BABAM2: variants seen among roughly 807,000 people sequenced by gnomAD.
BABAM2 encodes BRISC and BRCA1-A complex member 2.
In BABAM2, 31 loss-of-function variants were observed where a neutral mutation model predicts 54.7. The observed-to-expected ratio is 0.57, with a 90% CI of 0.43 to 0.77. The LOEUF is 0.77. Among genes scored for constraint, BABAM2 ranks in the 30% least tolerant of loss-of-function variants. The probability of loss-of-function intolerance (pLI) is 0.00; values close to 1 mark genes in which losing one functional copy is unlikely to be tolerated. For synonymous variants in BABAM2, 167 were observed against 162.9 expected (o/e 1.03, Z -0.19); for missense variants, 364 against 455.8 (o/e 0.80, Z 1.83).
intron 7 of BABAM2, among the ~76,000 whole-genome samples, chr2:28,137,978 C>G (rs1386935111): frequency 2.0e-5 from 3 of 152,274 alleles, no homozygotes; most frequent in Middle Eastern, 3.4e-3. Flanking sequence ...CAAAACATCT[C>G]AAGGGTTTTG....
chr2:28,290,461 T>A (rs1316258413), intron 10 of BABAM2, among the ~76,000 whole-genome samples: 1 of 152,186 alleles, frequency 6.6e-6, no homozygotes. Flanking sequence ...TGACAACACT[T>A]GGGTATTTTC....
chr2:27,903,934 G>A (rs910210923), intron 2 of BABAM2, among the ~76,000 whole-genome samples: 82 of 152,208 alleles, frequency 5.4e-4, no homozygotes, highest in African/African-American at 2.0e-3. Context: ...TGTCGTTAGT[G>A]TATCTGAATT....
chr2:28,107,665 G>T (rs1036614936), intron 6 of BABAM2, among the ~76,000 whole-genome samples: 2 of 152,110 alleles, frequency 1.3e-5, no homozygotes, highest in African/African-American at 4.8e-5. Flanking sequence ...GCCCTCTCTT[G>T]CATCCTTCCT....
chr2:28,183,739 T>TCACACA lies in BABAM2; in HGVS notation c.681-53433_681-53428dup, dbSNP rs1286120518. 9.8e-3 allele frequency among the ~76,000 whole-genome samples: 1,301 copies of TCACACA among 133,148 alleles called. 19 individuals are homozygous for TCACACA. Among genetic ancestry groups the TCACACA allele is most frequent in the East Asian group, 0.025 (118 of 4,636 alleles). The allele number at this position is 133,148 out of a possible 152,430, so 87.4% of individuals were successfully genotyped here. A position where few individuals can be genotyped will look rare whatever the true frequency, so the allele number is the denominator to read the frequency against. The stretch of plus-strand genomic sequence containing the variant: ...ATTTTATGTTACTTTTGGATGAAGA[T>TCACACA]CACACACACACACACACACACACAC... On this transcript the variant is annotated intron_variant, in intron 7 of 11. Coordinates refer to ENST00000379624, the MANE Select transcript of BABAM2 (RefSeq NM_199191.3).
At chr2:27,989,461 T>C (rs1315509142) in intron 4 of BABAM2, among the ~76,000 whole-genome samples, 3 of 152,116 alleles carry the variant, frequency 2.0e-5, no homozygotes, top group Non-Finnish European at 4.4e-5. Context: ...CATAAGCACA[T>C]TGGAAGTAGC....
intron 3 of BABAM2, among the ~76,000 whole-genome samples, chr2:27,939,101 G>T (rs1043889307): frequency 6.6e-6 from 1 of 151,840 alleles, no homozygotes; most frequent in Admixed American, 6.6e-5. Flanking sequence ...TACAGGCACT[G>T]GCCACCATGC....
chr2:28,200,117 C>T (rs1312578656), intron 7 of BABAM2, among the ~76,000 whole-genome samples: 1 of 152,170 alleles, frequency 6.6e-6, no homozygotes, highest in African/African-American at 2.4e-5. Context: ...CTTTCCAAAA[C>T]AACCCTACCT....
At chr2:28,141,263 G>T (rs1440674231) in intron 7 of BABAM2, among the ~76,000 whole-genome samples, 1 of 151,952 alleles carries the variant, frequency 6.6e-6, no homozygotes, top group Non-Finnish European at 1.5e-5. Flanking sequence ...TTCAAATAAT[G>T]CTTGGTGTGT....
At chr2:28,143,400 G>T (rs995960717) in intron 7 of BABAM2, among the ~76,000 whole-genome samples, 1 of 152,060 alleles carries the variant, frequency 6.6e-6, no homozygotes, top group African/African-American at 2.4e-5. Context: ...TGCAGTTTGT[G>T]TAGGATGAAT....
intron 8 of BABAM2, among the ~76,000 whole-genome samples, chr2:28,238,399 A>G (rs192124248): frequency 1.4e-4 from 21 of 152,260 alleles, no homozygotes; most frequent in African/African-American, 4.3e-4. Context: ...CCAGAGTGCA[A>G]TTTCTTTGCT....
chr2:28,021,945 A>G (rs987724371), intron 4 of BABAM2, among the ~76,000 whole-genome samples: 2 of 152,274 alleles, frequency 1.3e-5, no homozygotes, highest in East Asian at 3.9e-4. Flanking sequence ...AATTTGTGGC[A>G]CTGTGGCCAA....
chr2:27,906,318 C>T (rs1225886220), intron 2 of BABAM2, among the ~76,000 whole-genome samples: 4 of 152,164 alleles, frequency 2.6e-5, no homozygotes, highest in Non-Finnish European at 4.4e-5. Context: ...AACACAGGTT[C>T]CTCTTACTCC....
At chr2:28,014,370 G>T (rs1674641025) in intron 4 of BABAM2, among the ~76,000 whole-genome samples, 1 of 152,196 alleles carries the variant, frequency 6.6e-6, no homozygotes, top group Non-Finnish European at 1.5e-5. Context: ...CTTCTGTTCA[G>T]ACTAATTCTG....
intron 3 of BABAM2, among the ~76,000 whole-genome samples, chr2:27,964,978 G>A (rs369116542): frequency 2.6e-5 from 4 of 152,136 alleles, no homozygotes; most frequent in African/African-American, 7.2e-5. Context: ...TTTGTTACAG[G>A]AGAAATTGAA....
intron 4 of BABAM2, among the ~76,000 whole-genome samples, chr2:28,011,128 CA>C (rs1308681922): frequency 6.6e-6 from 1 of 152,072 alleles, no homozygotes; most frequent in East Asian, 1.9e-4. Flanking sequence ...GTCTCCCCCA[CA>C]AAATTTGGTT....
At chr2:28,121,038 A>G (rs1270499339) in intron 6 of BABAM2, among the ~76,000 whole-genome samples, 1 of 152,206 alleles carries the variant, frequency 6.6e-6, no homozygotes, top group Non-Finnish European at 1.5e-5. Flanking sequence ...AATCAGAAGT[A>G]ACTACTAAAT....
At chr2:27,926,746 G>GA (rs1301014824) in intron 2 of BABAM2, among the ~76,000 whole-genome samples, 3 of 151,590 alleles carry the variant, frequency 2.0e-5, no homozygotes, top group East Asian at 1.9e-4. Flanking sequence ...TTATCTAAAT[G>GA]AAAAAAATCA....
Position 28,327,674 on chromosome 2 carries a change from A to T in BABAM2, c.1089-10776A>T, listed in dbSNP as rs145989060. 4.8e-3 allele frequency among the ~76,000 whole-genome samples: 729 copies of T among 152,334 alleles called. 4 individuals carry two copies. The highest frequency in any genetic ancestry group is 0.028 in the South Asian group (134 of 4,832). On this transcript the variant is annotated intron_variant, in intron 11 of 11. Coordinates refer to ENST00000379624, the MANE Select transcript of BABAM2 (RefSeq NM_199191.3). ...TCTAAATATCTCAAACGCAAGGCAG[A>T]CATAGCCCAGCCTGAGGTTGGAGGC... is the stretch of plus-strand genomic sequence containing the variant.
chr2:28,017,909 T>C (rs1248150679), intron 4 of BABAM2, among the ~76,000 whole-genome samples: 1 of 152,258 alleles, frequency 6.6e-6, no homozygotes, highest in Non-Finnish European at 1.5e-5. Context: ...TCATCATTGG[T>C]TGATGGACAT....
Sources: gnomAD v4.1 joint callset for allele counts (sites outside exome capture counted in the v4.1 genomes callset) on GRCh38, gnomAD v4.1.1 for gene constraint, MANE v1.5 for transcripts, NCBI Gene and HGNC (gene_info 2026-07-23, HGNC 2026-07-21) for gene names.